UNC80: variants seen among roughly 807,000 people sequenced by gnomAD.
UNC80 encodes the protein unc-80 subunit of NALCN channel complex.
In UNC80, 164 loss-of-function variants were observed where a neutral mutation model predicts 384.6. The ratio of observed to expected loss-of-function variants is 0.43; its 90% confidence interval spans 0.38 to 0.49. UNC80 has a LOEUF of 0.49. Among genes scored for constraint, UNC80 ranks in the 20% least tolerant of loss-of-function variants. The pLI is 0.00. For synonymous variants in UNC80, 1,486 were observed against 1,527.8 expected (o/e 0.97, Z 0.64); for missense variants, 3,330 against 4,143.0 (o/e 0.80, Z 5.39).
intron 16 of UNC80, among the ~76,000 whole-genome samples, chr2:209,832,287 T>A (rs1198939018): frequency 1.3e-5 from 2 of 152,118 alleles, no homozygotes; most frequent in Non-Finnish European, 2.9e-5. Flanking sequence ...ATATCATCTG[T>A]TCCCCAAAAC....
Position 209,976,417 on chromosome 2 carries a change from G to A in UNC80, c.8772+114G>A. On this transcript the variant is annotated intron_variant, in intron 57 of 64. Coordinates refer to ENST00000673920, the MANE Select transcript of UNC80 (RefSeq NM_001371986.1). This position sits in a 1 kb window ranked among gnomAD's most constrained non-coding sequence, Gnocchi z 4.3. Reference sequence around the variant, plus strand: ...TGGTACCTACTGTTGCCAGTTAGTAGGGCCTGTTAATACCATGCTTGATGA... The same window carrying A: ...TGGTACCTACTGTTGCCAGTTAGTAAGGCCTGTTAATACCATGCTTGATGA... 1.5e-6 allele frequency: 2 copies of A among 1,342,988 alleles called. No homozygotes were observed. The highest frequency in any genetic ancestry group is 2.0e-6 in the Non-Finnish European group (2 of 977,020). 83.2% of individuals were successfully genotyped at this position (1,342,988 alleles called of 1,614,324 possible).
In UNC80 at chr2:209,925,088, T is replaced by C. The variant is rs957802217; in HGVS notation, c.5663-1755T>C. 1.5e-4 allele frequency among the ~76,000 whole-genome samples: 23 copies of C among 151,766 alleles called. 2 individuals carry two copies. Among genetic ancestry groups the C allele is most frequent in the East Asian group, 1.2e-3 (6 of 5,124 alleles). On this transcript the variant is annotated intron_variant, in intron 35 of 64. Transcript: ENST00000673920. ...AAGCCAGAAATACCACTGGTCTTTT[T>C]TCCTTTTTTTTTTTGTTGTTTTTTT...
intron 64 of UNC80, among the ~76,000 whole-genome samples, chr2:209,994,846 C>T (rs1575263143): frequency 6.6e-6 from 1 of 152,288 alleles, no homozygotes; most frequent in East Asian, 1.9e-4. Flanking sequence ...TATAGAACCT[C>T]TATGTCCTAT....
In UNC80 at chr2:209,879,306, C is replaced by T. The variant is rs190399644; in HGVS notation, c.3976+1217C>T. Among the ~76,000 whole-genome samples, 322 of 152,218 alleles carry T rather than the reference C, an allele frequency of 2.1e-3. 1 individual carries two copies. The highest frequency in any genetic ancestry group is 7.3e-3 in the African/African-American group (302 of 41,526). On this transcript the variant is annotated intron_variant, in intron 24 of 64. Coordinates refer to ENST00000673920, the MANE Select transcript of UNC80 (RefSeq NM_001371986.1). ...AAGCCATCCTGGAACTTCCAGGGGC[C>T]CTTCAGAACAGAGAGAAGTTGAAGC... is the stretch of plus-strand genomic sequence containing the variant.
chr2:209,849,192 A>T (rs1051051772), intron 21 of UNC80, among the ~76,000 whole-genome samples: 4 of 152,258 alleles, frequency 2.6e-5, no homozygotes, highest in African/African-American at 9.6e-5. Flanking sequence ...GAAGACCTGC[A>T]AGTAAAATGA....
intron 28 of UNC80, among the ~76,000 whole-genome samples, chr2:209,901,111 T>C (rs1173188016): frequency 6.6e-6 from 1 of 152,242 alleles, no homozygotes; most frequent in Non-Finnish European, 1.5e-5. Flanking sequence ...ATCATTGATG[T>C]AGGTGGCTAT....
chr2:209,911,410 A>G (rs2088924741), intron 29 of UNC80, among the ~76,000 whole-genome samples: 1 of 152,086 alleles, frequency 6.6e-6, no homozygotes, highest in Admixed American at 6.5e-5. Flanking sequence ...CACCTCCATG[A>G]TTTTTTCTTT....
Position 209,825,895 on chromosome 2 carries a change from C to T in UNC80, c.2332-12C>T, listed in dbSNP as rs778067845. 7.9e-6 allele frequency: 12 copies of T among 1,518,566 alleles called. No homozygotes were observed. Among genetic ancestry groups the T allele is most frequent in the East Asian group, 5.0e-5 (2 of 39,764 alleles). 94.1% of individuals were successfully genotyped at this position (1,518,566 alleles called of 1,614,324 possible). On this transcript the variant is annotated splice_polypyrimidine_tract_variant and intron_variant, in intron 13 of 64. Transcript: ENST00000673920. ...AACAGACTTTTCTTTCTTTCTCATTCGTGGGTACCAGGATGAAAGTACACC... is the reference window on the plus strand; with the variant it reads ...AACAGACTTTTCTTTCTTTCTCATTTGTGGGTACCAGGATGAAAGTACACC...
At chr2:209,852,267 T>C (rs2082587760) in intron 22 of UNC80, among the ~76,000 whole-genome samples, 1 of 151,856 alleles carries the variant, frequency 6.6e-6, no homozygotes, top group Admixed American at 6.6e-5. Flanking sequence ...TGTTCAGAGG[T>C]CCAAATTCCA....
intron 38 of UNC80, among the ~76,000 whole-genome samples, chr2:209,932,933 C>G (rs2090991818): frequency 6.6e-6 from 1 of 152,098 alleles, no homozygotes; most frequent in Non-Finnish European, 1.5e-5. Context: ...GGGTGTCCAG[C>G]ATTTAGAACA....
At chr2:209,808,230 CG>C (rs1334749393) in intron 7 of UNC80, among the ~76,000 whole-genome samples, 1 of 152,132 alleles carries the variant, frequency 6.6e-6, no homozygotes, top group African/African-American at 2.4e-5. Flanking sequence ...ACACCGTCAG[CG>C]TATCTTCTCA....
At position 209,959,143 on chromosome 2, in the gene UNC80, G is replaced by C; in HGVS notation, c.7575G>C (p.Leu2525=). The C allele has an allele frequency of 6.4e-7, 1 of 1,552,070 alleles. No homozygotes were observed. The highest frequency in any genetic ancestry group is 8.7e-7 in the Non-Finnish European group (1 of 1,146,986). ...NTRYQEQGAK[L]HFIRENLHLL... ...GGTACCAGGAACAAGGAGCCAAACTGCACTTTATCAGGTACAGAAAGACTT... is the reference window on the plus strand; with the variant it reads ...GGTACCAGGAACAAGGAGCCAAACTCCACTTTATCAGGTACAGAAAGACTT... Residue 2525 remains leucine, a synonymous_variant, in exon 50 of 65, where the codon CTG becomes CTC. Transcript: ENST00000673920.
At chr2:209,925,489 A>G (rs1260135611) in intron 35 of UNC80, among the ~76,000 whole-genome samples, 1 of 152,230 alleles carries the variant, frequency 6.6e-6, no homozygotes, top group Non-Finnish European at 1.5e-5. Context: ...AGGGGACCCA[A>G]GCGGGTTGCC....
rs768146438 is a variant in UNC80, at chr2:209,820,375, C to G, written c.2027C>G (p.Ala676Gly). Residue 676 changes from alanine to glycine, a missense_variant, in exon 13 of 65, where the codon GCG becomes GGG. By Grantham distance (60) the Ala-to-Gly change is moderately conservative. Around this residue, in one of 8 missense-constraint regions of UNC80, gnomAD observed 937 missense variants for 1,026.8 expected, o/e 0.91. Coordinates refer to ENST00000673920, the MANE Select transcript of UNC80 (RefSeq NM_001371986.1). ...ATCAGCTCTCGTATCTGTGACGTGGCGCTAAACATTGTGGAATGCTTGCTT... is the reference window on the plus strand; with the variant it reads ...ATCAGCTCTCGTATCTGTGACGTGGGGCTAAACATTGTGGAATGCTTGCTT... ...HDISSRICDVALNIVECLLQL... is the reference protein window; with the variant it reads ...HDISSRICDVGLNIVECLLQL... The G allele has an allele frequency of 1.3e-6, 2 of 1,551,774 alleles. No individual in the cohort carries two copies. Among genetic ancestry groups the G allele is most frequent in the African/African-American group, 1.4e-5 (1 of 73,004 alleles).
intron 30 of UNC80, among the ~76,000 whole-genome samples, chr2:209,913,133 T>C (rs2124942130): frequency 6.6e-6 from 1 of 152,308 alleles, no homozygotes; most frequent in Admixed American, 6.5e-5. Context: ...AAGAAAATGG[T>C]TCATGTACCT....
chr2:209,915,961 T>C (rs962441225), intron 31 of UNC80, among the ~76,000 whole-genome samples: 2 of 152,242 alleles, frequency 1.3e-5, no homozygotes, highest in Non-Finnish European at 2.9e-5. Context: ...TTACATTCTA[T>C]TCATATAACA....
Position 209,986,989 on chromosome 2 carries a change from C to T in UNC80, c.9314+2077C>T, listed in dbSNP as rs543495300. 1.1e-4 allele frequency among the ~76,000 whole-genome samples: 16 copies of T among 152,216 alleles called. No homozygotes were observed. The East Asian group carries it at 3.1e-3, about 29-fold the overall frequency. On this transcript the variant is annotated intron_variant, in intron 61 of 64. Transcript: ENST00000673920. ...AATCCTGAAGTAGTAAGGCATTAAC[C>T]AGGTAATGACGCTTAACATACACTC...
rs920880506 is a variant in UNC80 at position 209,894,297 on chromosome 2, C to T, written c.4411C>T (p.Arg1471Trp). 9 of 985,240 alleles carry T rather than the reference C, an allele frequency of 9.1e-6. No individual in the cohort carries two copies. The highest frequency in any genetic ancestry group is 1.1e-4 in the East Asian group (1 of 8,822). 61.0% of individuals were successfully genotyped at this position (985,240 alleles called of 1,614,324 possible). Residue 1471 changes from arginine (R) to tryptophan (W), a missense_variant, in exon 27 of 65, where the codon CGG (arginine) becomes TGG (tryptophan). Physicochemically the swap from Arg to Trp is moderately radical, Grantham distance 101. Transcript: ENST00000673920. ...CAGCTTAAAGAGCAGCAAGTTATCA[C>T]GGCAGGACTCAGAGTCTGAGGCTGA... ...VGSLKSSKLS[R>W]QDSESEAEEL...
intron 59 of UNC80, among the ~76,000 whole-genome samples, chr2:209,981,054 A>G (rs926765512): frequency 1.3e-5 from 2 of 152,252 alleles, no homozygotes; most frequent in Non-Finnish European, 2.9e-5. Flanking sequence ...AGCACGTTTT[A>G]TATTCACCTT....
Sources: gnomAD v4.1 joint callset for allele counts (sites outside exome capture counted in the v4.1 genomes callset) on GRCh38, gnomAD v4.1.1 for gene constraint, gnomAD v4.1.1 regional missense constraint, Gnocchi (gnomAD v3.1) non-coding constraint, MANE v1.5 for transcripts, NCBI Gene and HGNC (gene_info 2026-07-23, HGNC 2026-07-21) for gene names.